FBN3: variants seen among roughly 807,000 people sequenced by gnomAD.
FBN3 encodes the protein fibrillin 3.
Under a neutral mutation model 330.1 loss-of-function variants are expected in FBN3, and 234 were observed. The observed-to-expected ratio is 0.71, with a 90% CI of 0.64 to 0.79. The LOEUF (loss-of-function observed/expected upper bound fraction) is 0.79, where lower values mean the gene tolerates loss of function less well. FBN3 is among the 30% of genes least tolerant of loss of function. The probability of loss-of-function intolerance (pLI) is 0.00; values close to 1 mark genes in which losing one functional copy is unlikely to be tolerated. For missense variants in FBN3, 3,606 were observed against 3,886.9 expected (o/e 0.93, Z 1.92); for synonymous variants, 1,458 against 1,517.3 (o/e 0.96, Z 0.91).
At chr19:8,127,048 GT>G (rs140844932) in intron 18 of FBN3, among the ~76,000 whole-genome samples, 9,583 of 113,916 alleles carry the variant, frequency 0.084, 1,025 homozygotes, top group African/African-American at 0.27. Context: ...ATGCCAAACT[GT>G]TTTTTTTTTG....
At chr19:8,144,005 T>C (rs1056079905) in intron 6 of FBN3, among the ~76,000 whole-genome samples, 1 of 151,972 alleles carries the variant, frequency 6.6e-6, no homozygotes, top group Admixed American at 6.6e-5. Flanking sequence ...GGGGGGTGTC[T>C]CACTATGCTA....
rs147207228 is a variant in FBN3, at chr19:8,077,554, G to A, written c.7454-2143C>T. On this transcript the variant is annotated intron_variant, in intron 59 of 63. Coordinates refer to ENST00000600128, the MANE Select transcript of FBN3 (RefSeq NM_032447.5). ...CTTGGGAGGCTGAGGTGGGAGAATC[G>A]TTTGAACCCAGGAGGCAGAGGATGC... Among the ~76,000 whole-genome samples, 373 of 152,228 alleles carry A rather than the reference G, an allele frequency of 2.5e-3. 1 individual carries two copies. Among genetic ancestry groups the A allele is most frequent in the African/African-American group, 8.8e-3 (364 of 41,538 alleles).
intron 55 of FBN3, 83 bp downstream of exon 55, chr19:8,086,117 G>T: frequency 9.5e-7 from 1 of 1,047,580 alleles, no homozygotes; most frequent in Non-Finnish European, 1.3e-6. Context: ...AGGCAGTGGG[G>T]GGAACAGGCA....
chr19:8,131,544 G>T lies in FBN3; in HGVS notation c.1990+10C>A, dbSNP rs769985257. 2 of 1,597,780 alleles carry T rather than the reference G, an allele frequency of 1.3e-6. No individual in the cohort carries two copies. The highest frequency in any genetic ancestry group is 3.4e-5 in the Admixed American group (2 of 59,178). ...AGGAGGCGATGGGGACCGGGCAGCC[G>T]GATGCTCACCGGAGTCTTTGGCAGG... On this transcript the variant is annotated intron_variant, in intron 15 of 63. Transcript: ENST00000600128. This position sits in a 1 kb window ranked among gnomAD's most constrained non-coding sequence, Gnocchi z 4.5.
chr19:8,118,277 CACAG>C (rs2082757035), intron 26 of FBN3, among the ~76,000 whole-genome samples: 1 of 152,152 alleles, frequency 6.6e-6, no homozygotes, highest in Non-Finnish European at 1.5e-5. Context: ...CACACACACA[CACAG>C]ACTTACGTAC....
chr19:8,115,585 G>A lies in FBN3; in HGVS notation c.3768C>T (p.Asn1256=). 1 of 1,614,094 alleles carries A rather than the reference G, an allele frequency of 6.2e-7. No homozygotes were observed. The highest frequency in any genetic ancestry group is 8.5e-7 in the Non-Finnish European group (1 of 1,179,998). ...PHICLHGDCE[N]TKGSFVCHCQ... ...AGTGGCAGACAAAGGAACCCTTCGT[G>A]TTCTCGCAGTCCCCATGGAGGCAGA... The change falls in exon 30 of 64, where the codon AAC becomes AAT. Residue 1256 remains asparagine (N), a synonymous_variant. Coordinates refer to ENST00000600128, the MANE Select transcript of FBN3 (RefSeq NM_032447.5).
At chr19:8,091,854 C>T (rs1055599472) in intron 47 of FBN3, among the ~76,000 whole-genome samples, 10 of 152,156 alleles carry the variant, frequency 6.6e-5, no homozygotes, top group Non-Finnish European at 7.3e-5. Context: ...CATAGTACAA[C>T]CTCTATGGAA....
chr19:8,133,597 T>C (rs111455502), intron 13 of FBN3, among the ~76,000 whole-genome samples: 10,532 of 152,046 alleles, frequency 0.069, 469 homozygotes, highest in Middle Eastern at 0.12. Flanking sequence ...ATTACAGGCA[T>C]GTACCACCAC....
At chr19:8,085,782 T>A (rs1268553078) in intron 55 of FBN3, among the ~76,000 whole-genome samples, 1 of 151,460 alleles carries the variant, frequency 6.6e-6, no homozygotes, top group Non-Finnish European at 1.5e-5. Context: ...GGTTCCGGGG[T>A]GTGGCGCCAG....
Position 8,131,339 on chromosome 19 carries a change from C to G in FBN3, c.1991-51G>C, listed in dbSNP as rs556473334. 10 of 1,589,910 alleles carry G rather than the reference C, an allele frequency of 6.3e-6. No individual in the cohort carries two copies. Among genetic ancestry groups the G allele is most frequent in the African/African-American group, 4.0e-5 (3 of 74,604 alleles). ...CGGGTCAGGGAGCTTAGCCATGGCT[C>G]GGATTCAGCCACAGGCAAGGATGAG... On this transcript the variant is annotated intron_variant, in intron 15 of 63. Transcript: ENST00000600128. The surrounding 1 kb of genome is among the most constrained non-coding windows in gnomAD (Gnocchi z 4.5).
intron 48 of FBN3, 101 bp from the exon 49 acceptor site, chr19:8,090,352 GATC>G: frequency 7.4e-7 from 1 of 1,360,184 alleles, no homozygotes; most frequent in Non-Finnish European, 1.0e-6. Context: ...GGGTTGTGCT[GATC>G]CTGCCAGTGG....
chr19:8,098,324 G>A (rs2082254584), intron 41 of FBN3, among the ~76,000 whole-genome samples: 1 of 151,612 alleles, frequency 6.6e-6, no homozygotes, highest in South Asian at 2.1e-4. Flanking sequence ...GTCAATCAAT[G>A]GGGGACAGGA....
At chr19:8,089,769 C>T in intron 50 of FBN3, 99 bp from the exon 51 acceptor site, 1 of 1,566,760 alleles carries the variant, frequency 6.4e-7, no homozygotes, top group Non-Finnish European at 8.7e-7. Context: ...GCCCAAGCCC[C>T]AGGCTGGCAG....
At chr19:8,111,926 C>G in intron 31 of FBN3, 51 bp downstream of exon 31, 1 of 544,116 alleles carries the variant, frequency 1.8e-6, no homozygotes, top group Non-Finnish European at 3.0e-6. Flanking sequence ...CCGCCTTGCC[C>G]CCCACCTACC....
rs1337838695 is a variant in FBN3 at position 8,096,587 on chromosome 19, A to C, written c.5414-18T>G. On this transcript the variant is annotated intron_variant, in intron 43 of 63. Coordinates refer to ENST00000600128, the MANE Select transcript of FBN3 (RefSeq NM_032447.5). The surrounding 1 kb of genome is among the most constrained non-coding windows in gnomAD (Gnocchi z 4.6). Reference sequence around the variant, plus strand: ...ATTCCGTCCTGGGGGTGCAGAGAGCATGGTGTTCCCAGGGCTCCTACCACA... The same window carrying C: ...ATTCCGTCCTGGGGGTGCAGAGAGCCTGGTGTTCCCAGGGCTCCTACCACA... 1 of 1,600,762 alleles carries C rather than the reference A, an allele frequency of 6.2e-7. No individual in the cohort carries two copies. Among genetic ancestry groups the C allele is most frequent in the Admixed American group, 1.7e-5 (1 of 59,442 alleles).
intron 41 of FBN3, 97 bp downstream of exon 41, chr19:8,100,804 G>GAAAAA: frequency 1.1e-6 from 1 of 891,680 alleles, no homozygotes; most frequent in Admixed American, 1.9e-5. Context: ...ATGGAGGAGT[G>GAAAAA]GATGTAAGGA....
At chr19:8,079,210 C>T (rs1262608200) in intron 59 of FBN3, among the ~76,000 whole-genome samples, 1 of 152,088 alleles carries the variant, frequency 6.6e-6, no homozygotes, top group Non-Finnish European at 1.5e-5. Context: ...AGCCACTGTA[C>T]TCCAGCCCGG....
intron 22 of FBN3, 30 bp from the exon 23 acceptor site, chr19:8,124,038 C>A (rs776066910): frequency 6.4e-7 from 1 of 1,561,484 alleles, no homozygotes; most frequent in Non-Finnish European, 8.8e-7. Flanking sequence ...TGCGTCCCCA[C>A]CCCTGCCACA....
intron 36 of FBN3, among the ~76,000 whole-genome samples, chr19:8,108,463 G>A (rs1285661335): frequency 1.3e-5 from 2 of 152,038 alleles, no homozygotes; most frequent in East Asian, 3.9e-4. Context: ...ATGCGTGTGT[G>A]TGTGTAAATG....
Sources: allele counts gnomAD v4.1 joint callset (sites outside exome capture counted in the v4.1 genomes callset), GRCh38; gene constraint gnomAD v4.1.1; non-coding constraint Gnocchi (gnomAD v3.1); transcripts MANE v1.5; gene names NCBI Gene and HGNC (gene_info 2026-07-23, HGNC 2026-07-21).